The following CIBAR2 variants were observed in gnomAD, a reference collection of about 807,000 sequenced individuals.
CIBAR2 encodes CBY1 interacting BAR domain containing 2.
In CIBAR2, 38 loss-of-function variants were observed where a neutral mutation model predicts 36.2. The observed-to-expected ratio is 1.05, with a 90% CI of 0.81 to 1.38. CIBAR2 has a LOEUF of 1.38. Ranked by LOEUF, CIBAR2 falls within the 40% of genes most tolerant of loss-of-function variation. The pLI is 0.00. For synonymous variants in CIBAR2, 182 were observed against 149.5 expected (o/e 1.22, Z -1.58); for missense variants, 481 against 383.4 (o/e 1.25, Z -2.13).
chr16:85,104,620 G>T (rs924469645), intron 6 of CIBAR2, among the ~76,000 whole-genome samples: 1 of 152,168 alleles, frequency 6.6e-6, no homozygotes, highest in Non-Finnish European at 1.5e-5. Flanking sequence ...GGAGGCTGAG[G>T]CAGGAGAATC....
rs373006193 is a variant in CIBAR2 at position 85,100,133 on chromosome 16, G to A, written c.753+6C>T. 5.0e-6 allele frequency: 8 copies of A among 1,605,800 alleles called. No homozygotes were observed. Among genetic ancestry groups the A allele is most frequent in the South Asian group, 4.5e-5 (4 of 89,158 alleles). On this transcript the variant is annotated splice_donor_region_variant and intron_variant, in intron 8 of 8. Transcript: ENST00000539556. ...GGTGTAACCCCTCACCCACCCACAC[G>A]CTCACCTGGCTGGCGAGAGACTGAA... is the stretch of plus-strand genomic sequence containing the variant.
At chr16:85,112,309 C>G (rs778340532) in intron 1 of CIBAR2, 24 bp downstream of exon 1, 1 of 1,613,304 alleles carries the variant, frequency 6.2e-7, no homozygotes, top group Non-Finnish European at 8.5e-7. Context: ...TCCCTCACAG[C>G]CAGGCTGGCG....
At chr16:85,104,509 A>C (rs1252349385) in intron 6 of CIBAR2, among the ~76,000 whole-genome samples, 1 of 152,182 alleles carries the variant, frequency 6.6e-6, no homozygotes, top group Non-Finnish European at 1.5e-5. Flanking sequence ...GGCGTTCGAG[A>C]CCAGCCTGGC....
rs1004876508 is a variant in CIBAR2, at chr16:85,098,699, T to A, written c.*486A>T. 4.5e-5 allele frequency: 38 copies of A among 837,420 alleles called. No homozygotes were observed. The highest frequency in any genetic ancestry group is 5.2e-5 in the Non-Finnish European group (36 of 694,884). 51.9% of individuals were successfully genotyped at this position (837,420 alleles called of 1,614,324 possible). On this transcript the variant is annotated 3_prime_UTR_variant, in exon 9 of 9. Transcript: ENST00000539556. ...TGAGCACTCTAAATAATAATAATAA[T>A]AAAACGACAGCAACATCAGTAATGA...
Position 85,110,340 on chromosome 16 carries a change from G to T in CIBAR2, c.141C>A (p.Asp47Glu), listed in dbSNP as rs562127957. Residue 47 changes from aspartate (D) to glutamate (E), a missense_variant, in exon 2 of 9, where the codon GAC (aspartate) becomes GAA (glutamate). Physicochemically the swap from Asp to Glu is conservative, Grantham distance 45. Transcript: ENST00000539556. ...RKTARLRDKA[D>E]QLVKQLIDFA... is the part of the protein sequence containing the mutation. ...AGTCGATGAGCTGCTTGACCAGCTG[G>T]TCCGCCTTGTCCCGCAGCCGGGCCG... The T allele has an allele frequency of 8.7e-6, 14 of 1,613,168 alleles. No homozygotes were observed. The highest frequency in any genetic ancestry group is 1.2e-5 in the Non-Finnish European group (14 of 1,179,608).
At chr16:85,112,248 T>G (rs2074048631) in intron 1 of CIBAR2, 85 bp downstream of exon 1, 10 of 759,254 alleles carry the variant, frequency 1.3e-5, no homozygotes, top group Non-Finnish European at 2.0e-5. Context: ...CAGCAGGCCC[T>G]GCTGCCCTCA....
chr16:85,106,388 CG>C (rs1355564855), intron 5 of CIBAR2, among the ~76,000 whole-genome samples: 1 of 152,140 alleles, frequency 6.6e-6, no homozygotes, highest in Non-Finnish European at 1.5e-5. Flanking sequence ...TCCAAGGCAT[CG>C]GGGACTTAGG....
chr16:85,110,128 C>G, intron 2 of CIBAR2, 98 bp downstream of exon 2: 1 of 864,250 alleles, frequency 1.2e-6, no homozygotes, highest in East Asian at 2.6e-5. Flanking sequence ...CACCCATTGG[C>G]TGTGGCCACA....
At position 85,110,461 on chromosome 16, in the gene CIBAR2, C is replaced by T. The variant is rs765272850; in HGVS notation, c.21-1G>A. ...CTCCATCACCCTCACCTGGCTGTCC[C>T]TGTGGAGGCGGGGACCTGAGCAGCC... On this transcript the variant is annotated splice_acceptor_variant, in intron 1 of 8. Coordinates refer to ENST00000539556, the MANE Select transcript of CIBAR2 (RefSeq NM_198491.3). LOFTEE classifies it high-confidence loss of function. 5 of 1,586,308 alleles carry T rather than the reference C, an allele frequency of 3.2e-6. No individual in the cohort carries two copies. The African/African-American group carries it at 6.7e-5, about 21-fold the overall frequency.
At chr16:85,108,245 G>A (rs375689035) in intron 2 of CIBAR2, 146 bp from the exon 3 acceptor site, 68 of 726,994 alleles carry the variant, frequency 9.4e-5, no homozygotes, top group African/African-American at 6.0e-4. Context: ...CCCTTTTCCC[G>A]GTGTGTTGGA....
At position 85,098,586 on chromosome 16, in the gene CIBAR2, C is replaced by A; in HGVS notation, c.*599G>T. On this transcript the variant is annotated 3_prime_UTR_variant, in exon 9 of 9. Transcript: ENST00000539556. ...GTTCTCTCTTATGGGGTCCCTGCCC[C>A]AGTGCCCTGAGGTCCTCCACGGGGG... The A allele has an allele frequency of 1.0e-6, 1 of 986,022 alleles. No homozygotes were observed. The highest frequency in any genetic ancestry group is 4.7e-5 in the South Asian group (1 of 21,294). The allele number at this position is 986,022 out of a possible 1,614,324, so 61.1% of individuals were successfully genotyped here. A position where few individuals can be genotyped will look rare whatever the true frequency, so the allele number is the denominator to read the frequency against.
chr16:85,107,746 C>A, intron 4 of CIBAR2, 74 bp from the exon 5 acceptor site: 2 of 1,598,262 alleles, frequency 1.3e-6, no homozygotes, highest in East Asian at 2.2e-5. Context: ...CCTTCACAGC[C>A]CCTGCCCAGC....
chr16:85,103,157 C>A (rs896655857), intron 6 of CIBAR2, among the ~76,000 whole-genome samples: 3 of 152,104 alleles, frequency 2.0e-5, no homozygotes, highest in Non-Finnish European at 2.9e-5. Flanking sequence ...CAGGAGGGCT[C>A]CACTTTCATG....
At position 85,105,325 on chromosome 16, in the gene CIBAR2, A is replaced by C. The variant is rs768524791; in HGVS notation, c.537+2T>G. On this transcript the variant is annotated splice_donor_variant, in intron 6 of 8. Coordinates refer to ENST00000539556, the MANE Select transcript of CIBAR2 (RefSeq NM_198491.3). LOFTEE classifies it high-confidence loss of function. The stretch of plus-strand genomic sequence containing the variant: ...CCTCCCATCCCGGCCAACCACCCTC[A>C]CCTGCAGGTCCTTGAGCTTCTGCCT... 3 of 1,606,250 alleles carry C rather than the reference A, an allele frequency of 1.9e-6. No homozygotes were observed. In the South Asian group the frequency reaches 3.3e-5, roughly 18 times the overall value.
chr16:85,102,309 C>A lies in CIBAR2; in HGVS notation c.556G>T (p.Val186Leu), dbSNP rs1012381998. Reference sequence around the variant, plus strand: ...GCATGGAAAACCATCTCAATAGTTACAAAGTCACAAAAAAATTTCTGTGGG... The same window carrying A: ...GCATGGAAAACCATCTCAATAGTTAAAAAGTCACAAAAAAATTTCTGTGGG... ...KDLQKFFCDF[V>L]TIEMVFHAKA... Residue 186 changes from valine (V) to leucine (L), a missense_variant, in exon 7 of 9, where the codon GTA (valine) becomes TTA (leucine). Val to Leu is a conservative substitution (Grantham distance 32, BLOSUM62 1). Transcript: ENST00000539556. 3 of 1,611,562 alleles carry A rather than the reference C, an allele frequency of 1.9e-6. No homozygotes were observed. In the East Asian group the frequency reaches 6.7e-5, roughly 36 times the overall value.
chr16:85,110,121 C>G, intron 2 of CIBAR2, 105 bp downstream of exon 2: 1 of 786,688 alleles, frequency 1.3e-6, no homozygotes, highest in Non-Finnish European at 2.0e-6. Context: ...GGAGACACAC[C>G]CATTGGCTGT....
chr16:85,110,419 G>T lies in CIBAR2; in HGVS notation c.62C>A (p.Thr21Asn). The T allele has an allele frequency of 6.2e-7, 1 of 1,611,834 alleles. No homozygotes were observed. The highest frequency in any genetic ancestry group is 8.5e-7 in the Non-Finnish European group (1 of 1,178,836). The change falls in exon 2 of 9, where the codon ACC (threonine) becomes AAC (asparagine). Residue 21 changes from threonine to asparagine, a missense_variant. Thr to Asn is a moderately conservative substitution (Grantham distance 65). Coordinates refer to ENST00000539556, the MANE Select transcript of CIBAR2 (RefSeq NM_198491.3). ...GCAGAACTGCCCAAAGTACTTCTCGGTGTTGGCCACGGTATTCTCCATCAC... is the reference window on the plus strand; with the variant it reads ...GCAGAACTGCCCAAAGTACTTCTCGTTGTTGGCCACGGTATTCTCCATCAC... ...VRVMENTVAN[T>N]EKYFGQFCSL...
chr16:85,106,221 C>G (rs188702000), intron 5 of CIBAR2, among the ~76,000 whole-genome samples: 1 of 152,000 alleles, frequency 6.6e-6, no homozygotes, highest in African/African-American at 2.4e-5. Context: ...TAGGTCAGGA[C>G]TCCCCACGCT....
chr16:85,112,115 G>A (rs551127259), intron 1 of CIBAR2, among the ~76,000 whole-genome samples: 1 of 152,334 alleles, frequency 6.6e-6, no homozygotes, highest in East Asian at 1.9e-4. Flanking sequence ...CGATGCTGGA[G>A]AAGCAGACGG....
Sources: allele counts gnomAD v4.1 joint callset (sites outside exome capture counted in the v4.1 genomes callset), GRCh38; gene constraint gnomAD v4.1.1; transcripts MANE v1.5; gene names NCBI Gene and HGNC (gene_info 2026-07-23, HGNC 2026-07-21).